Variants in DOCK2 observed in about 807,000 individuals in gnomAD.
DOCK2 encodes the protein dedicator of cytokinesis protein 2.
Under a neutral mutation model 248.9 loss-of-function variants are expected in DOCK2, and 87 were observed. The ratio of observed to expected loss-of-function variants is 0.35; its 90% CI spans 0.29 to 0.42. The LOEUF (loss-of-function observed/expected upper bound fraction) is 0.42. Among genes scored for constraint, DOCK2 ranks in the 10% least tolerant of loss-of-function variants. The pLI is 1.00. For synonymous variants in DOCK2, 805 were observed against 821.6 expected (o/e 0.98, Z 0.35); for missense variants, 1,747 against 2,300.2 (o/e 0.76, Z 4.92).
Position 169,840,712 on chromosome 5 carries a change from T to G in DOCK2, c.2704-45T>G, listed in dbSNP as rs1014675872. 5.1e-6 allele frequency: 8 copies of G among 1,576,310 alleles called. No individual in the cohort carries two copies. The African/African-American group carries it at 9.5e-5, about 19-fold the overall frequency. On this transcript the variant is annotated intron_variant, in intron 26 of 51. Transcript: ENST00000520908. Reference sequence around the variant, plus strand: ...TGTGTCCTTTGTACAATTGTTCAGATGCAGTGTCCTGGTTGTCACATAGAT... The same window carrying G: ...TGTGTCCTTTGTACAATTGTTCAGAGGCAGTGTCCTGGTTGTCACATAGAT...
chr5:169,712,141 A>G lies in DOCK2; in HGVS notation c.1577A>G (p.Asn526Ser). 2.5e-6 allele frequency: 4 copies of G among 1,614,108 alleles called. No homozygotes were observed. The Admixed American group carries it at 6.7e-5, about 27-fold the overall frequency. The stretch of plus-strand genomic sequence containing the variant: ...CCAGCTAAAGATAAAGGAGAAAAGA[A>G]CTTTGCCATGTCCTATGTGAAGCTG... The part of the protein sequence containing the change: ...SLESKDKGEK[N>S]FAMSYVKLMK... The change falls in exon 17 of 52, where the codon AAC becomes AGC. Residue 526 changes from asparagine to serine, a missense_variant. Around this residue, in one of 4 missense-constraint regions of DOCK2, gnomAD observed 858 missense variants for 1,183.5 expected, o/e 0.72. Transcript: ENST00000520908.
chr5:169,995,453 C>A (rs550417425), intron 29 of DOCK2, among the ~76,000 whole-genome samples: 6 of 152,224 alleles, frequency 3.9e-5, no homozygotes, highest in East Asian at 1.9e-4. Flanking sequence ...GAGAAAAAAA[C>A]CCAAAAAGAT....
chr5:169,793,162 T>A (rs939758830), intron 25 of DOCK2, among the ~76,000 whole-genome samples: 1 of 152,204 alleles, frequency 6.6e-6, no homozygotes, highest in Non-Finnish European at 1.5e-5. Flanking sequence ...TGATAAACCC[T>A]AAAATGAATC....
chr5:169,680,096 A>G (rs189921611), intron 6 of DOCK2, among the ~76,000 whole-genome samples: 26 of 152,258 alleles, frequency 1.7e-4, no homozygotes, highest in Non-Finnish European at 1.8e-4. Flanking sequence ...TACTGCTCCT[A>G]AGCTCCTCCT....
intron 9 of DOCK2, among the ~76,000 whole-genome samples, chr5:169,694,840 T>A (rs912424764): frequency 3.3e-5 from 5 of 151,884 alleles, no homozygotes; most frequent in Non-Finnish European, 7.4e-5. Context: ...GTAGGCATGG[T>A]GGCTCATGCC....
intron 27 of DOCK2, among the ~76,000 whole-genome samples, chr5:169,891,490 G>T (rs1356518985): frequency 2.0e-5 from 3 of 152,192 alleles, no homozygotes; most frequent in Non-Finnish European, 4.4e-5. Context: ...TCCCTTAGCA[G>T]TAAAATCAGC....
At chr5:169,766,105 T>C (rs1017013316) in intron 25 of DOCK2, among the ~76,000 whole-genome samples, 2 of 152,196 alleles carry the variant, frequency 1.3e-5, no homozygotes, top group Admixed American at 1.3e-4. Flanking sequence ...ATGAGGAACA[T>C]GTGCAGGTTT....
At chr5:169,808,639 C>T (rs573055840) in intron 26 of DOCK2, among the ~76,000 whole-genome samples, 2 of 152,114 alleles carry the variant, frequency 1.3e-5, no homozygotes, top group Non-Finnish European at 2.9e-5. Context: ...CTTTGAAGGG[C>T]GGTTTCACAC....
intron 9 of DOCK2, among the ~76,000 whole-genome samples, 178 bp from the exon 10 acceptor site, chr5:169,695,625 T>C (rs1760570425): frequency 6.6e-6 from 1 of 152,242 alleles, no homozygotes; most frequent in African/African-American, 2.4e-5. Context: ...ACCTTGCTTA[T>C]CTGTGAAATG....
At chr5:169,737,820 T>C (rs55933418) in intron 22 of DOCK2, among the ~76,000 whole-genome samples, 2,690 of 152,344 alleles carry the variant, frequency 0.018, 79 homozygotes, top group African/African-American at 0.062. Flanking sequence ...CTGTATCTTT[T>C]GTAATAAATA....
chr5:170,078,815 G>A (rs925661144), intron 48 of DOCK2, among the ~76,000 whole-genome samples, 160 bp from the exon 49 acceptor site: 2 of 152,242 alleles, frequency 1.3e-5, no homozygotes, highest in Non-Finnish European at 2.9e-5. Context: ...CATTGAGCAA[G>A]TTGCTCCCCA....
chr5:169,876,675 C>A (rs1025093610), intron 27 of DOCK2, among the ~76,000 whole-genome samples: 29 of 152,378 alleles, frequency 1.9e-4, no homozygotes, highest in South Asian at 1.0e-3. Context: ...TACGGGCTTA[C>A]ATTCAGCTTA....
At chr5:169,683,766 T>G (rs1365723440) in intron 7 of DOCK2, among the ~76,000 whole-genome samples, 4 of 152,208 alleles carry the variant, frequency 2.6e-5, no homozygotes, top group East Asian at 3.8e-4. Flanking sequence ...TTTTACCCAT[T>G]TTAATTGGGT....
In DOCK2 at chr5:169,948,297, A is replaced by T. The variant is rs1035231307; in HGVS notation, c.2800-34771A>T. ...AGTAGAGGGATTCAGAACGTTTTTT[A>T]AAAAAAGGTAAACAAATACACATAA... On this transcript the variant is annotated intron_variant, in intron 27 of 51. Coordinates refer to ENST00000520908, the MANE Select transcript of DOCK2 (RefSeq NM_004946.3). 2.6e-4 allele frequency among the ~76,000 whole-genome samples: 19 copies of T among 73,936 alleles called. 1 individual carries two copies. The highest frequency in any genetic ancestry group is 9.4e-4 in the African/African-American group (12 of 12,816). The allele number at this position is 73,936 out of a possible 152,430, so 48.5% of individuals were successfully genotyped here.
chr5:170,035,294 G>A lies in DOCK2; in HGVS notation c.3624+739G>A, dbSNP rs75103202. Among the ~76,000 whole-genome samples, 999 of 152,236 alleles carry A rather than the reference G, an allele frequency of 6.6e-3. 16 individuals are homozygous for A. Among genetic ancestry groups the A allele is most frequent in the African/African-American group, 0.023 (959 of 41,530 alleles). On this transcript the variant is annotated intron_variant, in intron 35 of 51. Transcript: ENST00000520908. Reference sequence around the variant, plus strand: ...AGAATGAAGTTGACCAAAAGGCCACGTGACATCCATCACATCAACCTCCCT... The same window carrying A: ...AGAATGAAGTTGACCAAAAGGCCACATGACATCCATCACATCAACCTCCCT...
Position 169,681,753 on chromosome 5 carries a change from G to A in DOCK2, c.480G>A (p.Glu160=), listed in dbSNP as rs1429629859. 1 of 1,613,570 alleles carries A rather than the reference G, an allele frequency of 6.2e-7. No homozygotes were observed. Among genetic ancestry groups the A allele is most frequent in the African/African-American group, 1.3e-5 (1 of 74,910 alleles). ...SKIDYGNKIL[E]LDLIVRDEDG... ...AGTTTTTGCTTTACAGAATCCTTGA[G>A]CTTGATTTGATTGTCAGAGATGAAG... Residue 160 remains glutamate (E), a synonymous_variant, in exon 7 of 52, where the codon GAG becomes GAA. Coordinates refer to ENST00000520908, the MANE Select transcript of DOCK2 (RefSeq NM_004946.3).
chr5:170,030,444 C>T (rs1435539262), intron 34 of DOCK2, among the ~76,000 whole-genome samples: 1 of 152,102 alleles, frequency 6.6e-6, no homozygotes, highest in Non-Finnish European at 1.5e-5. Flanking sequence ...TTATCGAGCC[C>T]TTAGAGTTTT....
In DOCK2 at chr5:169,714,114, G is replaced by A. The variant is rs751073119; in HGVS notation, c.1746G>A (p.Leu582=). Residue 582 remains leucine, a synonymous_variant, in exon 18 of 52, where the codon CTG becomes CTA. Coordinates refer to ENST00000520908, the MANE Select transcript of DOCK2 (RefSeq NM_004946.3). ...ATGTGGAAAACAAGGGGGCCACGCT[G>A]AGCAGGAGCTCCAGCAGTGTTGGGG... The part of the protein sequence containing the change: ...RHHVENKGAT[L]SRSSSSVGGL... 9 of 1,613,750 alleles carry A rather than the reference G, an allele frequency of 5.6e-6. No individual in the cohort carries two copies. Among genetic ancestry groups the A allele is most frequent in the African/African-American group, 5.3e-5 (4 of 74,908 alleles).
chr5:169,965,205 G>A (rs1421198746), intron 27 of DOCK2, among the ~76,000 whole-genome samples: 1 of 152,212 alleles, frequency 6.6e-6, no homozygotes, highest in Admixed American at 6.5e-5. Flanking sequence ...GTGTGCTAAG[G>A]CAATGCTCCT....
Sources: gnomAD v4.1 joint callset for allele counts (sites outside exome capture counted in the v4.1 genomes callset) on GRCh38, gnomAD v4.1.1 for gene constraint, gnomAD v4.1.1 regional missense constraint, MANE v1.5 for transcripts, NCBI Gene and HGNC (gene_info 2026-07-23, HGNC 2026-07-21) for gene names.